B3GALT1: variants seen among roughly 807,000 people sequenced by gnomAD.
The protein encoded by B3GALT1 is beta-1,3-galactosyltransferase 1, also known as UDP-Gal:betaGlcNAc beta 1,3-galactosyltransferase, polypeptide 1.
A neutral mutation model predicts 23.2 loss-of-function variants in B3GALT1; 10 were observed. The observed-to-expected ratio is 0.43, with a 90% confidence interval of 0.27 to 0.73. The LOEUF is 0.73. B3GALT1 is among the 30% of genes least tolerant of loss of function. The probability of loss-of-function intolerance (pLI) is 0.21; values close to 1 mark genes in which losing one functional copy is unlikely to be tolerated. For missense variants in B3GALT1, 299 were observed against 405.4 expected (o/e 0.74, Z 2.25); for synonymous variants, 156 against 141.5 (o/e 1.10, Z -0.73).
intron 1 of B3GALT1, among the ~76,000 whole-genome samples, chr2:167,478,383 T>C (rs955631378): frequency 2.0e-5 from 3 of 152,202 alleles, no homozygotes; most frequent in African/African-American, 7.2e-5. Flanking sequence ...TTGTTTGCTC[T>C]GTGCCCTTGA....
intron 2 of B3GALT1, among the ~76,000 whole-genome samples, chr2:167,544,703 G>A (rs1683596119): frequency 1.3e-5 from 2 of 152,128 alleles, no homozygotes; most frequent in Non-Finnish European, 2.9e-5. Context: ...CCAGGTTCAA[G>A]GCACAGCCTT....
At chr2:167,728,209 G>A (rs939469308) in intron 3 of B3GALT1, among the ~76,000 whole-genome samples, 6 of 152,154 alleles carry the variant, frequency 3.9e-5, no homozygotes, top group Admixed American at 1.3e-4. Flanking sequence ...CCAACATGGC[G>A]AAACCCAGCC....
At chr2:167,553,250 C>T (rs545002804) in intron 2 of B3GALT1, among the ~76,000 whole-genome samples, 1 of 152,226 alleles carries the variant, frequency 6.6e-6, no homozygotes, top group African/African-American at 2.4e-5. Flanking sequence ...GAATCAGCAT[C>T]GTGGTAGGCT....
At chr2:167,346,748 G>GTTT (rs67938729) in intron 1 of B3GALT1, among the ~76,000 whole-genome samples, 2 of 150,936 alleles carry the variant, frequency 1.3e-5, no homozygotes, top group Middle Eastern at 3.4e-3. Flanking sequence ...GTGTGTGTGG[G>GTTT]GGGGGGGTGG....
At chr2:167,496,753 C>T (rs1699789230) in intron 2 of B3GALT1, among the ~76,000 whole-genome samples, 1 of 152,086 alleles carries the variant, frequency 6.6e-6, no homozygotes, top group Non-Finnish European at 1.5e-5. Flanking sequence ...GAAGGTAGAA[C>T]CCTCAGGAAT....
chr2:167,448,256 TC>T (rs961484998), intron 1 of B3GALT1, among the ~76,000 whole-genome samples: 1 of 152,172 alleles, frequency 6.6e-6, no homozygotes, highest in African/African-American at 2.4e-5. Context: ...GAAAAGTGTT[TC>T]CTTTTCACCA....
chr2:167,686,826 G>A (rs543571331), intron 3 of B3GALT1, among the ~76,000 whole-genome samples: 9 of 152,232 alleles, frequency 5.9e-5, no homozygotes, highest in South Asian at 2.1e-4. Context: ...TATTCTTCAC[G>A]TAGAGCCACT....
At chr2:167,827,478 C>A (rs188651201) in intron 4 of B3GALT1, among the ~76,000 whole-genome samples, 1 of 152,176 alleles carries the variant, frequency 6.6e-6, no homozygotes, top group Admixed American at 6.5e-5. Context: ...TAGACTGGCA[C>A]CTAGGTGAGA....
intron 1 of B3GALT1, among the ~76,000 whole-genome samples, chr2:167,472,517 AGCC>A (rs1275493488): frequency 6.6e-6 from 1 of 152,140 alleles, no homozygotes; most frequent in Non-Finnish European, 1.5e-5. Context: ...GGTAGCTCTT[AGCC>A]TGTAGAACCT....
intron 3 of B3GALT1, among the ~76,000 whole-genome samples, chr2:167,746,366 A>C (rs542948210): frequency 6.6e-6 from 1 of 152,358 alleles, no homozygotes; most frequent in Non-Finnish European, 1.5e-5. Context: ...ATGCATTTGC[A>C]ATCTTACTGC....
chr2:167,301,818 G>GCCACTGT, intron 1 of B3GALT1, among the ~76,000 whole-genome samples: 1 of 152,256 alleles, frequency 6.6e-6, no homozygotes, highest in Non-Finnish European at 1.5e-5. Context: ...CAAAGTGTTG[G>GCCACTGT]GATTACAGGT....
At chr2:167,793,904 G>A (rs768643793) in intron 3 of B3GALT1, among the ~76,000 whole-genome samples, 2 of 152,090 alleles carry the variant, frequency 1.3e-5, no homozygotes, top group African/African-American at 4.8e-5. Context: ...CATGCCCTCC[G>A]CATAGGGAAG....
At chr2:167,530,486 T>C (rs1335676097) in intron 2 of B3GALT1, among the ~76,000 whole-genome samples, 2 of 152,212 alleles carry the variant, frequency 1.3e-5, no homozygotes, top group Admixed American at 6.5e-5. Flanking sequence ...ATGCAGTATA[T>C]ACATGCTGCT....
At chr2:167,326,878 C>G (rs1696904319) in intron 1 of B3GALT1, among the ~76,000 whole-genome samples, 1 of 151,926 alleles carries the variant, frequency 6.6e-6, no homozygotes, top group Non-Finnish European at 1.5e-5. Context: ...TTAGTAGAGA[C>G]AGGGTTTCGC....
At chr2:167,615,136 A>G (rs1240585689) in intron 2 of B3GALT1, among the ~76,000 whole-genome samples, 1 of 152,096 alleles carries the variant, frequency 6.6e-6, no homozygotes, top group Non-Finnish European at 1.5e-5. Context: ...AAAAAGTTAA[A>G]AAGCAAGGTA....
Position 167,626,756 on chromosome 2 carries a change from T to C in B3GALT1, c.-409-20153T>C, listed in dbSNP as rs187668397. On this transcript the variant is annotated intron_variant, in intron 2 of 4. Transcript: ENST00000392690. The stretch of plus-strand genomic sequence containing the variant: ...TGTACATGTAGTATTAAATATTCTG[T>C]AAGATGCTAATAGGAAAATTTCACA... Among the ~76,000 whole-genome samples the C allele has an allele frequency of 6.0e-3, 906 of 151,940 alleles. 5 individuals carry two copies. The highest frequency in any genetic ancestry group is 9.2e-3 in the Non-Finnish European group (625 of 67,796).
intron 1 of B3GALT1, among the ~76,000 whole-genome samples, chr2:167,465,275 G>A (rs554674939): frequency 1.6e-4 from 24 of 152,142 alleles, no homozygotes; most frequent in Non-Finnish European, 2.5e-4. Flanking sequence ...AATACAGTGT[G>A]TATGTTTTTA....
intron 3 of B3GALT1, among the ~76,000 whole-genome samples, chr2:167,806,032 G>T (rs1688745860): frequency 6.6e-6 from 1 of 152,062 alleles, no homozygotes; most frequent in African/African-American, 2.4e-5. Flanking sequence ...TCTCCTTGAA[G>T]AGGTCCTTCA....
At chr2:167,699,198 G>GT (rs142116065) in intron 3 of B3GALT1, among the ~76,000 whole-genome samples, 7 of 151,892 alleles carry the variant, frequency 4.6e-5, no homozygotes, top group Non-Finnish European at 1.0e-4. Flanking sequence ...GTAATAAGTG[G>GT]TTTTTTAATG....
Sources: gnomAD v4.1 joint callset for allele counts (sites outside exome capture counted in the v4.1 genomes callset) on GRCh38, gnomAD v4.1.1 for gene constraint, MANE v1.5 for transcripts, NCBI Gene and HGNC (gene_info 2026-07-23, HGNC 2026-07-21) for gene names.